Variants in ALG6 observed in about 807,000 individuals in gnomAD.
ALG6 encodes ALG6 alpha-1,3-glucosyltransferase.
Under a neutral mutation model 66.6 loss-of-function variants are expected in ALG6, and 46 were observed. That is an observed-to-expected ratio of 0.69 (90% CI 0.55 to 0.88). The LOEUF (loss-of-function observed/expected upper bound fraction) is 0.88, where lower values mean the gene tolerates loss of function less well. Ranked by LOEUF, ALG6 falls within the 40% of genes least tolerant of loss-of-function variation. The pLI, the probability that ALG6 is intolerant of heterozygous loss-of-function variation, is 0.00. For synonymous variants in ALG6, 185 were observed against 203.7 expected (o/e 0.91, Z 0.78); for missense variants, 505 against 586.8 (o/e 0.86, Z 1.44).
At chr1:63,434,787 A>G (rs1644669073) in intron 14 of ALG6, among the ~76,000 whole-genome samples, 1 of 152,204 alleles carries the variant, frequency 6.6e-6, no homozygotes, top group Admixed American at 6.5e-5. Flanking sequence ...GTTGGTAATT[A>G]AAGTCATATT....
intron 3 of ALG6, among the ~76,000 whole-genome samples, chr1:63,398,413 T>A (rs1358258917): frequency 1.3e-5 from 2 of 152,254 alleles, no homozygotes; most frequent in Non-Finnish European, 2.9e-5. Flanking sequence ...ACCGGACTTT[T>A]AAAATTGGCA....
intron 14 of ALG6, among the ~76,000 whole-genome samples, chr1:63,434,462 A>G (rs9436231): frequency 0.61 from 92,100 of 152,072 alleles, 29,653 homozygotes; most frequent in African/African-American, 0.82. Flanking sequence ...AGTTTTAGAT[A>G]CCTATTAGAT....
intron 4 of ALG6, among the ~76,000 whole-genome samples, chr1:63,402,690 C>T (rs1308992367): frequency 6.7e-6 from 1 of 148,886 alleles, no homozygotes; most frequent in Non-Finnish European, 1.5e-5. Context: ...TGGTCTCAAA[C>T]TCCTGACCTT....
intron 1 of ALG6, among the ~76,000 whole-genome samples, chr1:63,370,176 A>G (rs1484813240): frequency 2.0e-5 from 3 of 151,810 alleles, no homozygotes; most frequent in Non-Finnish European, 4.4e-5. Flanking sequence ...AAAAAAAAAA[A>G]GTAAGTGGTT....
At chr1:63,399,509 CAT>C (rs935892225) in intron 3 of ALG6, among the ~76,000 whole-genome samples, 5 of 152,142 alleles carry the variant, frequency 3.3e-5, no homozygotes, top group African/African-American at 4.8e-5. Flanking sequence ...TCATTTTCCT[CAT>C]GTGTGTGTAT....
intron 7 of ALG6, among the ~76,000 whole-genome samples, chr1:63,409,790 G>A (rs1258713416): frequency 1.3e-5 from 2 of 152,106 alleles, no homozygotes; most frequent in African/African-American, 4.8e-5. Flanking sequence ...GTCCACTCTA[G>A]GATAAGTGGG....
intron 2 of ALG6, among the ~76,000 whole-genome samples, chr1:63,382,640 A>AGTTTTTTTTTGTTT (rs1361781573): frequency 9.3e-6 from 1 of 108,082 alleles, no homozygotes; most frequent in East Asian, 3.2e-4. Context: ...TGCCTGGCTA[A>AGTTTTTTTTTGTTT]GTTTTTTTTT....
At chr1:63,381,899 T>C (rs539095048) in intron 2 of ALG6, among the ~76,000 whole-genome samples, 1 of 152,138 alleles carries the variant, frequency 6.6e-6, no homozygotes, top group Non-Finnish European at 1.5e-5. Flanking sequence ...GTTTTCACTA[T>C]GTTGCCCAAG....
intron 1 of ALG6, among the ~76,000 whole-genome samples, chr1:63,369,323 T>A (rs182411819): frequency 1.4e-3 from 209 of 152,326 alleles, no homozygotes; most frequent in Non-Finnish European, 2.3e-3. Flanking sequence ...GTGATGTTTT[T>A]ATTTTAAATA....
rs1644629595 is a variant in ALG6 at position 63,428,662 on chromosome 1, T to C, written c.1059-71T>C. Reference sequence around the variant, plus strand: ...GAAAATCAGACAGATAAAATGTATTTATATTTTTTACAATTAGGAGTTGAA... The same window carrying C: ...GAAAATCAGACAGATAAAATGTATTCATATTTTTTACAATTAGGAGTTGAA... On this transcript the variant is annotated intron_variant, in intron 12 of 14. Transcript: ENST00000263440. The C allele has an allele frequency of 1.2e-5, 14 of 1,158,384 alleles. No individual in the cohort carries two copies. In the South Asian group the frequency reaches 1.8e-4, roughly 15 times the overall value. The allele number at this position is 1,158,384 out of a possible 1,614,324, so 71.8% of individuals were successfully genotyped here.
intron 2 of ALG6, among the ~76,000 whole-genome samples, chr1:63,391,768 G>A (rs1289354151): frequency 6.6e-6 from 1 of 152,130 alleles, no homozygotes; most frequent in Non-Finnish European, 1.5e-5. Context: ...GATTTTTTCT[G>A]AAATGTCTAT....
intron 12 of ALG6, among the ~76,000 whole-genome samples, chr1:63,419,695 C>T (rs1570078314): frequency 6.6e-6 from 1 of 152,080 alleles, no homozygotes; most frequent in East Asian, 1.9e-4. Flanking sequence ...TTTCTACATG[C>T]TAATAAAAAA....
intron 10 of ALG6, 104 bp downstream of exon 10, chr1:63,414,250 CTTTTCTTTTTTTTT>C: frequency 1.2e-6 from 1 of 834,392 alleles, no homozygotes; most frequent in Admixed American, 2.6e-5. Context: ...AGGTGTTTTT[CTTTTCTTTTTTTTT>C]TTTTTGAGAC....
intron 2 of ALG6, among the ~76,000 whole-genome samples, chr1:63,386,734 A>G (rs572554790): frequency 2.7e-4 from 41 of 151,974 alleles, no homozygotes; most frequent in Admixed American, 9.2e-4. Flanking sequence ...AAGTGTCTCA[A>G]TTTTGTTTAT....
At chr1:63,374,017 A>G (rs1570030512) in intron 2 of ALG6, among the ~76,000 whole-genome samples, 1 of 152,236 alleles carries the variant, frequency 6.6e-6, no homozygotes, top group Non-Finnish European at 1.5e-5. Context: ...TATTTTGAGT[A>G]TGAGTATTTT....
At chr1:63,379,822 T>C (rs1240140418) in intron 2 of ALG6, among the ~76,000 whole-genome samples, 1 of 151,006 alleles carries the variant, frequency 6.6e-6, no homozygotes, top group Admixed American at 6.6e-5. Flanking sequence ...TTATTCAATG[T>C]TAACTAGGAT....
intron 11 of ALG6, among the ~76,000 whole-genome samples, chr1:63,417,477 T>C (rs1480239735): frequency 1.3e-5 from 2 of 152,234 alleles, no homozygotes. Context: ...TTGTTAATCA[T>C]GCTTTGAATT....
At chr1:63,420,183 G>C (rs1183495421) in intron 12 of ALG6, among the ~76,000 whole-genome samples, 3 of 152,118 alleles carry the variant, frequency 2.0e-5, no homozygotes, top group African/African-American at 4.8e-5. Flanking sequence ...GCAGAGCTGG[G>C]CTGGCCTGTG....
At chr1:63,417,352 A>G (rs1644550513) in intron 11 of ALG6, among the ~76,000 whole-genome samples, 1 of 152,208 alleles carries the variant, frequency 6.6e-6, no homozygotes, top group East Asian at 1.9e-4. Context: ...TAGGATTATA[A>G]GCCAGAAAAA....
Sources: gnomAD v4.1 joint callset for allele counts (sites outside exome capture counted in the v4.1 genomes callset) on GRCh38, gnomAD v4.1.1 for gene constraint, MANE v1.5 for transcripts, NCBI Gene and HGNC (gene_info 2026-07-23, HGNC 2026-07-21) for gene names.